The following PCDHGA2 variants were observed in gnomAD, a reference collection of about 807,000 sequenced individuals.
The protein encoded by PCDHGA2 is protocadherin gamma-A2.
In PCDHGA2, 40 loss-of-function variants were observed where a neutral mutation model predicts 59.2. That is an observed-to-expected ratio of 0.68 (90% CI 0.52 to 0.88). PCDHGA2 has a LOEUF of 0.88. PCDHGA2 is among the 40% of genes least tolerant of loss of function. The pLI, the probability that PCDHGA2 is intolerant of heterozygous loss-of-function variation, is 0.00. For missense variants in PCDHGA2, 1,226 were observed against 1,204.0 expected (o/e 1.02, Z -0.27); for synonymous variants, 560 against 526.0 (o/e 1.06, Z -0.89).
chr5:141,345,438 G>A (rs761923171), intron 1 of PCDHGA2: 5 of 1,613,968 alleles, frequency 3.1e-6, no homozygotes, highest in Middle Eastern at 1.6e-4. Flanking sequence ...CCCCAGAGGA[G>A]CCTCCATCTT....
chr5:141,360,387 A>G (rs1217376856), intron 1 of PCDHGA2: 1 of 1,613,944 alleles, frequency 6.2e-7, no homozygotes, highest in East Asian at 2.2e-5. Flanking sequence ...GCGGAGACTT[A>G]CTTGTGAGTG....
chr5:141,425,127 A>G (rs1353123394), intron 1 of PCDHGA2, among the ~76,000 whole-genome samples: 2 of 152,208 alleles, frequency 1.3e-5, no homozygotes, highest in Non-Finnish European at 2.9e-5. Flanking sequence ...CTTGAAGTCA[A>G]GAAAAATGTT....
At chr5:141,488,855 C>T (rs1441666819) in intron 1 of PCDHGA2, among the ~76,000 whole-genome samples, 2 of 152,190 alleles carry the variant, frequency 1.3e-5, no homozygotes, top group Non-Finnish European at 1.5e-5. Context: ...ACCTGCAGCA[C>T]GAAGTGAGTG....
intron 1 of PCDHGA2, chr5:141,403,461 A>G (rs2094410364): frequency 6.2e-7 from 1 of 1,614,010 alleles, no homozygotes; most frequent in Non-Finnish European, 8.5e-7. Context: ...CTCCAGAGCT[A>G]CCAGCTCAGC....
At chr5:141,354,764 GA>G (rs1350368707) in intron 1 of PCDHGA2, among the ~76,000 whole-genome samples, 1 of 151,990 alleles carries the variant, frequency 6.6e-6, no homozygotes, top group South Asian at 2.1e-4. Context: ...CACATCTTAG[GA>G]AAAAAATCGT....
Position 141,343,198 on chromosome 5 carries a change from G to A in PCDHGA2, c.2424+1803G>A, listed in dbSNP as rs112545759. ...TAAATCCCCAAACATATTGTCTGAT[G>A]CCTAATTATGTGTTTGTTTAATGAA... On this transcript the variant is annotated intron_variant, in intron 1 of 3. Coordinates refer to ENST00000394576, the MANE Select transcript of PCDHGA2 (RefSeq NM_018915.4). 6.8e-4 allele frequency: 420 copies of A among 620,662 alleles called. 1 individual carries two copies. The African/African-American group carries it at 8.0e-3, about 12-fold the overall frequency. 38.4% of individuals were successfully genotyped at this position (620,662 alleles called of 1,614,324 possible). A position where few individuals can be genotyped will look rare whatever the true frequency, so the allele number is the denominator to read the frequency against.
At chr5:141,400,789 CTT>C in intron 1 of PCDHGA2, 1 of 561,962 alleles carries the variant, frequency 1.8e-6, no homozygotes, top group Non-Finnish European at 3.1e-6. Flanking sequence ...TTTTTGTCCT[CTT>C]TCTCAAAGCT....
At chr5:141,399,092 G>T (rs573118488) in intron 1 of PCDHGA2, 2 of 1,613,810 alleles carry the variant, frequency 1.2e-6, no homozygotes, top group Non-Finnish European at 1.7e-6. Context: ...GATGGTGGTG[G>T]ACTGGTTGCA....
chr5:141,389,112 C>T (rs376966829), intron 1 of PCDHGA2: 22 of 1,613,964 alleles, frequency 1.4e-5, no homozygotes, highest in Non-Finnish European at 1.9e-5. Context: ...TGTTCTAGAC[C>T]GCGAGCAGAA....
Position 141,399,399 on chromosome 5 carries a change from C to T in PCDHGA2, c.2424+58004C>T, listed in dbSNP as rs1282174658. 1.9e-6 allele frequency: 3 copies of T among 1,613,902 alleles called. No individual in the cohort carries two copies. The Admixed American group carries it at 5.0e-5, about 27-fold the overall frequency. The stretch of plus-strand genomic sequence containing the variant: ...TCACCATCACAGCCACAGACAGGGG[C>T]AAGCCGCCCCTCTCCTCCAGCATAA... On this transcript the variant is annotated intron_variant, in intron 1 of 3. Transcript: ENST00000394576.
Position 141,350,657 on chromosome 5 carries a change from A to G in PCDHGA2, c.2424+9262A>G, listed in dbSNP as rs1758532359. Reference sequence around the variant, plus strand: ...TGACAATGCACCACGTTTCGTTGCAAAAGGCATTGACTTAGAAATTTGTGA... The same window carrying G: ...TGACAATGCACCACGTTTCGTTGCAGAAGGCATTGACTTAGAAATTTGTGA... On this transcript the variant is annotated intron_variant, in intron 1 of 3. Transcript: ENST00000394576. 1 of 1,613,928 alleles carries G rather than the reference A, an allele frequency of 6.2e-7. No homozygotes were observed. The highest frequency in any genetic ancestry group is 1.7e-5 in the Admixed American group (1 of 60,012).
intron 1 of PCDHGA2, among the ~76,000 whole-genome samples, chr5:141,405,996 G>A (rs2094743914): frequency 6.6e-6 from 1 of 151,746 alleles, no homozygotes; most frequent in Non-Finnish European, 1.5e-5. Flanking sequence ...GTAGCTCTCA[G>A]CCTGCATTGA....
At chr5:141,428,145 A>T (rs748256830) in intron 1 of PCDHGA2, 11 of 1,592,456 alleles carry the variant, frequency 6.9e-6, no homozygotes, top group Non-Finnish European at 8.6e-7. Flanking sequence ...GGGGCTGCAC[A>T]CGGGAACCTG....
intron 1 of PCDHGA2, chr5:141,350,803 A>G (rs776584739): frequency 1.3e-5 from 21 of 1,613,898 alleles, no homozygotes. Flanking sequence ...CAACGAAGGA[A>G]AGTCCTGATG....
intron 1 of PCDHGA2, chr5:141,415,478 G>C: frequency 6.2e-7 from 1 of 1,614,082 alleles, no homozygotes; most frequent in Non-Finnish European, 8.5e-7. Flanking sequence ...GCGGACTCGC[G>C]AAAGAGTCAC....
intron 1 of PCDHGA2, chr5:141,346,129 C>T: frequency 6.2e-7 from 1 of 1,613,938 alleles, no homozygotes; most frequent in Non-Finnish European, 8.5e-7. Flanking sequence ...GCGGTGGCCG[C>T]GGTCTCCTGC....
intron 1 of PCDHGA2, chr5:141,342,690 T>G (rs1160050224): frequency 6.6e-6 from 1 of 152,228 alleles, no homozygotes; most frequent in Non-Finnish European, 1.5e-5. Flanking sequence ...TAAAGCAAAG[T>G]TATTTTTAGT....
chr5:141,435,108 G>A lies in PCDHGA2; in HGVS notation c.2425-59699G>A, dbSNP rs1027955145. ...AACTGATCTGTTTATCTAGGGGGGA[G>A]AAATCTAATTCAATGGAAAATATAA... On this transcript the variant is annotated intron_variant, in intron 1 of 3. Transcript: ENST00000394576. Among the ~76,000 whole-genome samples, 3 of 152,144 alleles carry A rather than the reference G, an allele frequency of 2.0e-5. No homozygotes were observed. In the South Asian group the frequency reaches 6.2e-4, roughly 32 times the overall value.
In PCDHGA2 at chr5:141,489,652, C is replaced by A. The variant is rs767143028; in HGVS notation, c.2425-5155C>A. On this transcript the variant is annotated intron_variant, in intron 1 of 3. Transcript: ENST00000394576. The surrounding 1 kb of genome is among the most constrained non-coding windows in gnomAD (Gnocchi z 4.5). ...CTCTCCTAGCTTTGCCACCCCTGAG[C>A]GAGAGATGCGCATCTCAGAATCAGC... 34 of 1,614,024 alleles carry A rather than the reference C, an allele frequency of 2.1e-5. No homozygotes were observed. The Middle Eastern group carries it at 6.6e-4, about 31-fold the overall frequency.
Sources: allele counts gnomAD v4.1 joint callset (sites outside exome capture counted in the v4.1 genomes callset), GRCh38; gene constraint gnomAD v4.1.1; non-coding constraint Gnocchi (gnomAD v3.1); transcripts MANE v1.5; gene names NCBI Gene and HGNC (gene_info 2026-07-23, HGNC 2026-07-21).